SYNJ2: variants seen among roughly 807,000 people sequenced by gnomAD.
SYNJ2 encodes the protein synaptojanin 2.
A neutral mutation model predicts 141.3 loss-of-function variants in SYNJ2; 116 were observed. The ratio of observed to expected loss-of-function variants is 0.82; its 90% confidence interval spans 0.71 to 0.96. The LOEUF (loss-of-function observed/expected upper bound fraction) is 0.96, where lower values mean the gene tolerates loss of function less well. Ranked by LOEUF, SYNJ2 falls within the 40% of genes least tolerant of loss-of-function variation. The pLI, the probability that SYNJ2 is intolerant of heterozygous loss-of-function variation, is 0.00. For missense variants in SYNJ2, 1,873 were observed against 1,934.8 expected (o/e 0.97, Z 0.60); for synonymous variants, 745 against 777.7 (o/e 0.96, Z 0.70).
chr6:158,086,159 A>G (rs1158125775), intron 22 of SYNJ2, among the ~76,000 whole-genome samples: 7 of 152,000 alleles, frequency 4.6e-5, no homozygotes, highest in Non-Finnish European at 1.0e-4. Context: ...TCCAGGACAC[A>G]TGGGGTGGAG....
chr6:158,061,667 G>A (rs1329240375), intron 7 of SYNJ2, among the ~76,000 whole-genome samples: 1 of 143,174 alleles, frequency 7.0e-6, no homozygotes, highest in East Asian at 2.0e-4. Flanking sequence ...GAACAGAGCA[G>A]TCCTTCCTCA....
At chr6:158,010,643 G>C (rs1234411491) in intron 1 of SYNJ2, among the ~76,000 whole-genome samples, 4 of 152,226 alleles carry the variant, frequency 2.6e-5, no homozygotes, top group Non-Finnish European at 5.9e-5. Context: ...CTAACCCCCG[G>C]GACCTCAGAA....
At chr6:158,076,054 G>A (rs1782263301) in intron 16 of SYNJ2, among the ~76,000 whole-genome samples, 1 of 152,168 alleles carries the variant, frequency 6.6e-6, no homozygotes, top group South Asian at 2.1e-4. Flanking sequence ...CAGGCATGAT[G>A]GTGCGTGCCT....
chr6:158,054,122 C>T (rs1228301344), intron 5 of SYNJ2, among the ~76,000 whole-genome samples: 1 of 151,908 alleles, frequency 6.6e-6, no homozygotes, highest in Non-Finnish European at 1.5e-5. Flanking sequence ...TCCATCCACT[C>T]ACCCACCCAC....
chr6:158,079,545 G>A (rs1415302362), intron 18 of SYNJ2, among the ~76,000 whole-genome samples: 1 of 151,862 alleles, frequency 6.6e-6, no homozygotes, highest in African/African-American at 2.4e-5. Context: ...GCTGATTTTT[G>A]TATTTTTAGT....
intron 26 of SYNJ2, among the ~76,000 whole-genome samples, chr6:158,093,451 A>AAAAAAAAAAAAAAC (rs1562413521): frequency 1.0e-5 from 1 of 99,868 alleles, no homozygotes; most frequent in Non-Finnish European, 2.1e-5. Context: ...AAAAAAAAAC[A>AAAAAAAAAAAAAAC]AAAAAAAAAA....
At chr6:158,068,033 G>A (rs1428681904) in intron 12 of SYNJ2, 6 of 970,238 alleles carry the variant, frequency 6.2e-6, no homozygotes, top group Non-Finnish European at 7.3e-6. Context: ...ACACTAGCAG[G>A]CTCCCCAGCA....
At chr6:157,996,172 G>T (rs898462766) in intron 1 of SYNJ2, among the ~76,000 whole-genome samples, 5 of 152,112 alleles carry the variant, frequency 3.3e-5, no homozygotes, top group Admixed American at 6.5e-5. Context: ...TTGGTTAATG[G>T]CAGCACCATC....
chr6:158,052,666 A>C (rs1780635297), intron 5 of SYNJ2, among the ~76,000 whole-genome samples: 1 of 152,162 alleles, frequency 6.6e-6, no homozygotes, highest in South Asian at 2.1e-4. Flanking sequence ...GGTTGTCACC[A>C]AGCTATTAAT....
At chr6:158,011,174 G>A (rs570582364) in intron 1 of SYNJ2, among the ~76,000 whole-genome samples, 114 of 152,244 alleles carry the variant, frequency 7.5e-4, no homozygotes, top group African/African-American at 2.6e-3. Context: ...GCCACGCGAC[G>A]ACGGAGGAAG....
chr6:158,074,842 T>G, intron 16 of SYNJ2, 104 bp downstream of exon 16: 1 of 1,364,694 alleles, frequency 7.3e-7, no homozygotes, highest in Non-Finnish European at 1.0e-6. Context: ...TGAGTGGATT[T>G]CACTGTTTCC....
At position 158,050,028 on chromosome 6, in the gene SYNJ2, G is replaced by A. The variant is rs569116486; in HGVS notation, c.796-4939G>A. Among the ~76,000 whole-genome samples, 4 of 152,318 alleles carry A rather than the reference G, an allele frequency of 2.6e-5. No individual in the cohort carries two copies. In the East Asian group the frequency reaches 7.7e-4, roughly 29 times the overall value. On this transcript the variant is annotated intron_variant, in intron 5 of 26. Coordinates refer to ENST00000355585, the MANE Select transcript of SYNJ2 (RefSeq NM_003898.4). ...GGTATGGACACAGCTCTGCAGGTGTGGACAGGGCTCTGCAGGTGTGCATGC... is the reference window on the plus strand; with the variant it reads ...GGTATGGACACAGCTCTGCAGGTGTAGACAGGGCTCTGCAGGTGTGCATGC...
chr6:158,038,803 C>T (rs894457816), intron 4 of SYNJ2, among the ~76,000 whole-genome samples: 1 of 152,122 alleles, frequency 6.6e-6, no homozygotes. Flanking sequence ...AGGTGGTGTT[C>T]GGCTGGTGAC....
At chr6:158,078,494 T>C (rs1339122690) in intron 18 of SYNJ2, 2 of 359,688 alleles carry the variant, frequency 5.6e-6, no homozygotes, top group South Asian at 7.7e-5. Context: ...TTGTCATTGC[T>C]CCATATCATA....
At chr6:158,031,646 G>C (rs544391463) in intron 3 of SYNJ2, among the ~76,000 whole-genome samples, 23 of 152,358 alleles carry the variant, frequency 1.5e-4, no homozygotes, top group African/African-American at 5.5e-4. Flanking sequence ...CACAGCAGGA[G>C]TCAGATGGGG....
intron 5 of SYNJ2, among the ~76,000 whole-genome samples, chr6:158,054,288 T>A (rs10946039): frequency 0.82 from 125,155 of 151,798 alleles, 52,281 homozygotes; most frequent in African/African-American, 0.96. Flanking sequence ...CAGCTATTCA[T>A]CCATCCATCC....
intron 12 of SYNJ2, chr6:158,067,373 C>G: frequency 1.0e-6 from 1 of 956,424 alleles, no homozygotes; most frequent in African/African-American, 1.8e-5. Flanking sequence ...TCTCCCCAAA[C>G]CAACTCTATT....
chr6:158,041,670 G>A (rs1445315612), intron 4 of SYNJ2, among the ~76,000 whole-genome samples: 1 of 152,184 alleles, frequency 6.6e-6, no homozygotes, highest in Admixed American at 6.5e-5. Context: ...CAGAGTGAAG[G>A]GAGACATTCC....
chr6:157,983,058 C>T (rs1335570329), intron 1 of SYNJ2, among the ~76,000 whole-genome samples: 1 of 152,174 alleles, frequency 6.6e-6, no homozygotes, highest in Non-Finnish European at 1.5e-5. Context: ...GCCGGTATTC[C>T]TAGCTAAACA....
Sources: gnomAD v4.1 joint callset for allele counts (sites outside exome capture counted in the v4.1 genomes callset) on GRCh38, gnomAD v4.1.1 for gene constraint, MANE v1.5 for transcripts, NCBI Gene and HGNC (gene_info 2026-07-23, HGNC 2026-07-21) for gene names.